The following THADA variants were observed in gnomAD, a reference collection of about 807,000 sequenced individuals.
The protein encoded by THADA is THADA armadillo repeat containing, also known as tRNA (32-2'-O)-methyltransferase regulator THADA.
In THADA, 213 loss-of-function variants were observed where a neutral mutation model predicts 219.8. The observed-to-expected ratio is 0.97, with a 90% CI of 0.87 to 1.09. THADA has a LOEUF of 1.09. Ranked by LOEUF, THADA falls within the 50% of genes least tolerant of loss-of-function variation. The pLI is 0.00. For synonymous variants in THADA, 1,018 were observed against 828.9 expected, an observed-to-expected ratio of 1.23 and a Z score of -3.92; for missense variants, 2,956 against 2,311.3, an observed-to-expected ratio of 1.28 and a Z score of -5.72.
Position 43,581,742 on chromosome 2 carries a change from A to G in THADA, c.720T>C (p.Asp240=), listed in dbSNP as rs1700483277. The G allele has an allele frequency of 6.2e-7, 1 of 1,607,404 alleles. No homozygotes were observed. Among genetic ancestry groups the G allele is most frequent in the South Asian group, 1.1e-5 (1 of 89,414 alleles). ...LLSIFTKVLS[D]DDLLQTVQST... The stretch of plus-strand genomic sequence containing the variant: ...TTGTATATAATTTGTTACACTTACC[A>G]TCGCTTAAAACCTTGGTAAAAATAC... The change falls in exon 8 of 38, where the codon GAT becomes GAC. Residue 240 remains aspartate (D), a splice_region_variant and synonymous_variant. Transcript: ENST00000405975.
chr2:43,541,090 G>A (rs746810596), intron 21 of THADA, 69 bp downstream of exon 21: 2 of 1,388,988 alleles, frequency 1.4e-6, no homozygotes, highest in East Asian at 2.6e-5. Flanking sequence ...TTAGAGTTGG[G>A]TTATAAAAAA....
At position 43,286,920 on chromosome 2, in the gene THADA, G is replaced by A. The variant is rs780239835; in HGVS notation, c.5152C>T (p.His1718Tyr). 4 of 1,612,360 alleles carry A rather than the reference G, an allele frequency of 2.5e-6. No individual in the cohort carries two copies. The highest frequency in any genetic ancestry group is 3.3e-5 in the Admixed American group (2 of 59,982). The change falls in exon 35 of 38, where the codon CAT becomes TAT. Residue 1718 changes from histidine to tyrosine, a missense_variant. His to Tyr is a moderately conservative substitution (Grantham distance 83). Transcript: ENST00000405975. Reference protein sequence around the residue: ...STTPLFLTNPHPILELQDTLA... With the variant: ...STTPLFLTNPYPILELQDTLA... Reference sequence around the variant, plus strand: ...TCGGCGCACTTACCAAGAATAGGATGGGGGTTGGTGAGGAAAAGTGGTGTA... The same window carrying A: ...TCGGCGCACTTACCAAGAATAGGATAGGGGTTGGTGAGGAAAAGTGGTGTA...
rs1468084144 is a variant in THADA at position 43,297,841 on chromosome 2, C to A, written c.4439-4628G>T. Among the ~76,000 whole-genome samples, 4 of 114,636 alleles carry A rather than the reference C, an allele frequency of 3.5e-5. 1 individual carries two copies. The highest frequency in any genetic ancestry group is 1.3e-4 in the African/African-American group (3 of 23,378). The allele number at this position is 114,636 out of a possible 152,430, so 75.2% of individuals were successfully genotyped here. A position where few individuals can be genotyped will look rare whatever the true frequency, so the allele number is the denominator to read the frequency against. ...GGAGGTGGGGGGGGATCAGCCCCCC[C>A]GCCCGGCCAGCCGCCCCGTCCGGGA... On this transcript the variant is annotated intron_variant, in intron 31 of 37. Coordinates refer to ENST00000405975, the MANE Select transcript of THADA (RefSeq NM_022065.5).
intron 28 of THADA, among the ~76,000 whole-genome samples, chr2:43,403,892 G>C (rs561779992): frequency 3.3e-5 from 5 of 152,092 alleles, no homozygotes; most frequent in Admixed American, 1.3e-4. Context: ...ATTATGGTCT[G>C]TTTGTCCTAC....
chr2:43,298,573 G>A (rs986385167), intron 31 of THADA, among the ~76,000 whole-genome samples: 4 of 138,638 alleles, frequency 2.9e-5, no homozygotes, highest in African/African-American at 1.1e-4. Context: ...CCCTCTGTGA[G>A]AAACACCCAA....
rs771262269 is a variant in THADA at position 43,344,249 on chromosome 2, A to T, written c.4228-12T>A. 1 of 1,555,974 alleles carries T rather than the reference A, an allele frequency of 6.4e-7. No homozygotes were observed. Among genetic ancestry groups the T allele is most frequent in the Non-Finnish European group, 8.7e-7 (1 of 1,143,058 alleles). ...AACAAATGAAAAACCTAAACCAAAA[A>T]AGAAAAAAAAATCCTGCTGTGAAAA... On this transcript the variant is annotated splice_polypyrimidine_tract_variant and intron_variant, in intron 29 of 37. Coordinates refer to ENST00000405975, the MANE Select transcript of THADA (RefSeq NM_022065.5).
At chr2:43,489,365 C>A (rs185043243) in intron 25 of THADA, among the ~76,000 whole-genome samples, 3 of 151,874 alleles carry the variant, frequency 2.0e-5, no homozygotes, top group African/African-American at 2.4e-5. Flanking sequence ...TAATTTTGAT[C>A]GAGTCTAATT....
intron 30 of THADA, chr2:43,343,905 T>C (rs955573714): frequency 8.0e-5 from 35 of 437,558 alleles, no homozygotes; most frequent in Non-Finnish European, 1.1e-4. Flanking sequence ...AAAAGCCATA[T>C]TACATGCCCC....
At chr2:43,399,843 G>C (rs748742678) in intron 28 of THADA, among the ~76,000 whole-genome samples, 1 of 152,056 alleles carries the variant, frequency 6.6e-6, no homozygotes, top group Non-Finnish European at 1.5e-5. Flanking sequence ...AATGGTAAGG[G>C]TGGGGGTCGG....
intron 26 of THADA, among the ~76,000 whole-genome samples, chr2:43,448,441 G>A (rs572284260): frequency 6.6e-6 from 1 of 152,012 alleles, no homozygotes; most frequent in African/African-American, 2.4e-5. Context: ...TGATCTTGGA[G>A]ATACAAACAC....
intron 29 of THADA, among the ~76,000 whole-genome samples, chr2:43,395,879 G>A (rs1673975985): frequency 1.3e-5 from 2 of 152,116 alleles, no homozygotes; most frequent in South Asian, 4.1e-4. Context: ...AGCCTTCCAA[G>A]TTGAGTAGCT....
chr2:43,239,634 G>C (rs1668412295), intron 36 of THADA, among the ~76,000 whole-genome samples: 1 of 152,220 alleles, frequency 6.6e-6, no homozygotes, highest in Non-Finnish European at 1.5e-5. Flanking sequence ...AGTATTATGG[G>C]GGAGATGACT....
chr2:43,349,520 C>T (rs1010138884), intron 29 of THADA, among the ~76,000 whole-genome samples: 1 of 152,194 alleles, frequency 6.6e-6, no homozygotes, highest in Non-Finnish European at 1.5e-5. Context: ...TAGACAAGAT[C>T]AAGATGATAT....
intron 21 of THADA, among the ~76,000 whole-genome samples, chr2:43,532,285 C>A (rs1462839447): frequency 6.6e-6 from 1 of 151,356 alleles, no homozygotes; most frequent in Non-Finnish European, 1.5e-5. Context: ...TGGCACCATG[C>A]GCCTGTAGTC....
intron 27 of THADA, among the ~76,000 whole-genome samples, chr2:43,428,573 C>A (rs1245579463): frequency 6.6e-6 from 1 of 152,178 alleles, no homozygotes; most frequent in African/African-American, 2.4e-5. Context: ...CCACTGCACT[C>A]CAGCCTGGGT....
intron 36 of THADA, among the ~76,000 whole-genome samples, chr2:43,240,302 T>C (rs895110976): frequency 9.9e-5 from 15 of 152,210 alleles, no homozygotes; most frequent in Non-Finnish European, 2.1e-4. Flanking sequence ...TGAGTGTTAC[T>C]GCACTTTCTT....
intron 26 of THADA, among the ~76,000 whole-genome samples, chr2:43,433,299 C>A (rs1225121696): frequency 6.6e-6 from 1 of 151,716 alleles, no homozygotes; most frequent in East Asian, 1.9e-4. Flanking sequence ...GGAGGCCGAG[C>A]CGGGTGGATC....
At chr2:43,523,089 G>C (rs1228424023) in intron 22 of THADA, among the ~76,000 whole-genome samples, 8 of 152,098 alleles carry the variant, frequency 5.3e-5, no homozygotes, top group African/African-American at 1.9e-4. Flanking sequence ...GTTTAGGCTG[G>C]GCGCGGTGGC....
intron 10 of THADA, 115 bp from the exon 11 acceptor site, chr2:43,575,142 A>G (rs1453495840): frequency 1.2e-6 from 1 of 822,716 alleles, no homozygotes; most frequent in Non-Finnish European, 1.8e-6. Context: ...ACAAATTTCA[A>G]TTATTAAATT....
Sources: gnomAD v4.1 joint callset for allele counts (sites outside exome capture counted in the v4.1 genomes callset) on GRCh38, gnomAD v4.1.1 for gene constraint, MANE v1.5 for transcripts, NCBI Gene and HGNC (gene_info 2026-07-23, HGNC 2026-07-21) for gene names.